MACROD2: variants seen among roughly 807,000 people sequenced by gnomAD.
The protein encoded by MACROD2 is mono-ADP ribosylhydrolase 2.
In MACROD2, 36 loss-of-function variants were observed where a neutral mutation model predicts 70.4. The observed-to-expected ratio is 0.51, with a 90% CI of 0.39 to 0.68. The LOEUF is 0.68. Among genes scored for constraint, MACROD2 ranks in the 30% least tolerant of loss-of-function variants. The pLI is 0.00. For missense variants in MACROD2, 496 were observed against 538.4 expected (o/e 0.92, Z 0.78); for synonymous variants, 172 against 178.8 (o/e 0.96, Z 0.30).
At chr20:15,726,467 A>C (rs1190481401) in intron 8 of MACROD2, among the ~76,000 whole-genome samples, 1 of 152,180 alleles carries the variant, frequency 6.6e-6, no homozygotes, top group Admixed American at 6.5e-5. Context: ...TGCTGGGTTG[A>C]ATGGTAATTC....
chr20:14,866,104 A>G (rs2073424866), intron 5 of MACROD2, among the ~76,000 whole-genome samples: 1 of 152,152 alleles, frequency 6.6e-6, no homozygotes, highest in Non-Finnish European at 1.5e-5. Context: ...TATGAAATGA[A>G]TAAATGAATG....
At chr20:14,022,869 A>G (rs1383389312) in intron 2 of MACROD2, among the ~76,000 whole-genome samples, 5 of 151,980 alleles carry the variant, frequency 3.3e-5, no homozygotes, top group African/African-American at 1.2e-4. Flanking sequence ...GTTGGTTCCA[A>G]TATTGTGACT....
At chr20:14,477,840 C>G (rs1483736366) in intron 3 of MACROD2, among the ~76,000 whole-genome samples, 1 of 152,062 alleles carries the variant, frequency 6.6e-6, no homozygotes, top group Non-Finnish European at 1.5e-5. Flanking sequence ...TTAAGGGATA[C>G]TTTTCTTATT....
chr20:14,770,310 T>C (rs1226458569), intron 5 of MACROD2, among the ~76,000 whole-genome samples: 2 of 152,000 alleles, frequency 1.3e-5, no homozygotes, highest in African/African-American at 4.8e-5. Flanking sequence ...GATAGACCCA[T>C]CTTCAAATAG....
At chr20:14,230,882 A>G (rs375335372) in intron 3 of MACROD2, among the ~76,000 whole-genome samples, 1 of 151,620 alleles carries the variant, frequency 6.6e-6, no homozygotes. Flanking sequence ...TCCATGGACT[A>G]CTGAAGGGAT....
chr20:14,147,276 T>A (rs6079318), intron 3 of MACROD2, among the ~76,000 whole-genome samples: 1 of 152,208 alleles, frequency 6.6e-6, no homozygotes, highest in Non-Finnish European at 1.5e-5. Context: ...TAAACTCCTT[T>A]GATTCTATTT....
chr20:14,585,200 A>G (rs1981295306), intron 4 of MACROD2, among the ~76,000 whole-genome samples: 1 of 152,180 alleles, frequency 6.6e-6, no homozygotes, highest in South Asian at 2.1e-4. Flanking sequence ...GGAACAGCGT[A>G]ATTGGAAGGG....
At chr20:14,773,381 C>G (rs2072195346) in intron 5 of MACROD2, among the ~76,000 whole-genome samples, 1 of 152,016 alleles carries the variant, frequency 6.6e-6, no homozygotes, top group African/African-American at 2.4e-5. Flanking sequence ...CTCATTTCCC[C>G]TATTTCCCAG....
chr20:15,327,951 T>C (rs1404084568), intron 6 of MACROD2, among the ~76,000 whole-genome samples: 1 of 152,104 alleles, frequency 6.6e-6, no homozygotes, highest in Non-Finnish European at 1.5e-5. Context: ...ACTATCCTTG[T>C]GGAGTTTACA....
intron 4 of MACROD2, among the ~76,000 whole-genome samples, chr20:14,551,945 C>G (rs940989399): frequency 6.6e-6 from 1 of 152,004 alleles, no homozygotes; most frequent in South Asian, 2.1e-4. Context: ...ACTTATTTCA[C>G]TTTTTTGAGT....
At chr20:14,556,197 A>T (rs567569923) in intron 4 of MACROD2, among the ~76,000 whole-genome samples, 1 of 152,068 alleles carries the variant, frequency 6.6e-6, no homozygotes, top group Non-Finnish European at 1.5e-5. Context: ...TAAATACTAA[A>T]ATGAAATATT....
At chr20:15,784,568 A>G (rs2051888694) in intron 8 of MACROD2, among the ~76,000 whole-genome samples, 1 of 152,164 alleles carries the variant, frequency 6.6e-6, no homozygotes. Context: ...GACTTCTACT[A>G]TAAATGAAGT....
chr20:14,057,528 A>G (rs1304888337), intron 2 of MACROD2, among the ~76,000 whole-genome samples: 1 of 152,222 alleles, frequency 6.6e-6, no homozygotes, highest in Non-Finnish European at 1.5e-5. Flanking sequence ...AAAGATCGAC[A>G]GTACCAAGTA....
rs1464180713 is a variant in MACROD2 at position 14,874,906 on chromosome 20, T to G, written c.418+189947T>G. 2.0e-5 allele frequency among the ~76,000 whole-genome samples: 3 copies of G among 150,804 alleles called. No individual in the cohort carries two copies. The East Asian group carries it at 6.1e-4, about 31-fold the overall frequency. The stretch of plus-strand genomic sequence containing the variant: ...TTTTAGTAGAGACAGGGTTTCACCA[T>G]GTTGACCAGGCTGGTCTCAAACTCC... On this transcript the variant is annotated intron_variant, in intron 5 of 17. Transcript: ENST00000684519.
At chr20:14,197,271 T>C (rs1036033578) in intron 3 of MACROD2, among the ~76,000 whole-genome samples, 1 of 152,214 alleles carries the variant, frequency 6.6e-6, no homozygotes, top group African/African-American at 2.4e-5. Flanking sequence ...GAAGGAAAAG[T>C]AGCCTGGATA....
intron 2 of MACROD2, among the ~76,000 whole-genome samples, chr20:14,018,011 A>G (rs1172814909): frequency 3.3e-5 from 5 of 151,938 alleles, no homozygotes; most frequent in African/African-American, 9.7e-5. Flanking sequence ...TTTCTTTGTC[A>G]GTTTGGGTAG....
chr20:15,169,269 T>C (rs1048756440), intron 5 of MACROD2, among the ~76,000 whole-genome samples: 7 of 152,186 alleles, frequency 4.6e-5, no homozygotes, highest in Admixed American at 3.9e-4. Flanking sequence ...TTTTCCCAAC[T>C]TTTTTAAGAA....
intron 9 of MACROD2, among the ~76,000 whole-genome samples, chr20:15,874,139 C>T (rs1257471392): frequency 7.1e-6 from 1 of 140,872 alleles, no homozygotes; most frequent in Admixed American, 7.5e-5. Flanking sequence ...TTGTTCAACT[C>T]CCATTTATGA....
chr20:15,584,706 C>T (rs1253779778), intron 8 of MACROD2, among the ~76,000 whole-genome samples: 1 of 152,218 alleles, frequency 6.6e-6, no homozygotes, highest in East Asian at 1.9e-4. Context: ...CACTGGTACC[C>T]ATGCCGGGGC....
Sources: allele counts gnomAD v4.1 joint callset (sites outside exome capture counted in the v4.1 genomes callset), GRCh38; gene constraint gnomAD v4.1.1; transcripts MANE v1.5; gene names NCBI Gene and HGNC (gene_info 2026-07-23, HGNC 2026-07-21).